CADPS: variants seen among roughly 807,000 people sequenced by gnomAD.
CADPS encodes the protein calcium-dependent secretion activator 1.
A neutral mutation model predicts 167.3 loss-of-function variants in CADPS; 57 were observed. The observed-to-expected ratio is 0.34, with a 90% confidence interval of 0.28 to 0.42. CADPS has a LOEUF of 0.42. Among genes scored for constraint, CADPS ranks in the 20% least tolerant of loss-of-function variants. The pLI, the probability that CADPS is intolerant of heterozygous loss-of-function variation, is 1.00. For missense variants in CADPS, 1,414 were observed against 1,738.1 expected (o/e 0.81, Z 3.32); for synonymous variants, 676 against 635.3 (o/e 1.06, Z -0.96).
At chr3:62,406,273 A>G (rs1213215086) in intron 28 of CADPS, among the ~76,000 whole-genome samples, 2 of 152,190 alleles carry the variant, frequency 1.3e-5, no homozygotes, top group Non-Finnish European at 2.9e-5. Flanking sequence ...CCCTCCCAGA[A>G]AGCCAGTCAT....
intron 1 of CADPS, among the ~76,000 whole-genome samples, chr3:62,788,978 G>T (rs1479316820): frequency 3.3e-5 from 5 of 152,156 alleles, no homozygotes; most frequent in Middle Eastern, 3.2e-3. Flanking sequence ...TTCAATGCTG[G>T]TGATTTCGAA....
intron 1 of CADPS, among the ~76,000 whole-genome samples, chr3:62,794,126 G>A (rs1213767796): frequency 2.0e-5 from 3 of 152,188 alleles, no homozygotes; most frequent in Non-Finnish European, 4.4e-5. Flanking sequence ...GGAATGATGA[G>A]TAACAGCTTG....
At chr3:62,864,272 T>C (rs999583628) in intron 1 of CADPS, among the ~76,000 whole-genome samples, 3 of 152,328 alleles carry the variant, frequency 2.0e-5, no homozygotes, top group African/African-American at 4.8e-5. Context: ...AAGAGGCCTA[T>C]GCTGGAGACA....
At chr3:62,494,245 G>A (rs527258618) in intron 18 of CADPS, among the ~76,000 whole-genome samples, 121 of 152,242 alleles carry the variant, frequency 7.9e-4, no homozygotes, top group African/African-American at 2.9e-3. Context: ...GGGGTTTAGG[G>A]CTTACTCCAC....
At chr3:62,570,981 T>C in intron 8 of CADPS, 43 bp from the exon 9 acceptor site, 1 of 1,237,934 alleles carries the variant, frequency 8.1e-7, no homozygotes, top group Non-Finnish European at 1.2e-6. Flanking sequence ...AATGCTTGAG[T>C]GAGTGAATTG....
intron 1 of CADPS, among the ~76,000 whole-genome samples, chr3:62,780,989 G>A (rs114421712): frequency 0.021 from 3,245 of 152,104 alleles, 55 homozygotes; most frequent in South Asian, 0.049. Flanking sequence ...CTTAGGACTC[G>A]TACATTTATT....
At chr3:62,485,980 C>T (rs947433720) in intron 21 of CADPS, among the ~76,000 whole-genome samples, 3 of 152,114 alleles carry the variant, frequency 2.0e-5, no homozygotes, top group East Asian at 1.9e-4. Flanking sequence ...AGATCTGACA[C>T]CAAGTACATT....
intron 1 of CADPS, among the ~76,000 whole-genome samples, chr3:62,789,792 A>G (rs2092775538): frequency 6.6e-6 from 1 of 152,208 alleles, no homozygotes; most frequent in African/African-American, 2.4e-5. Context: ...AATAACTCCA[A>G]AGAAAGTAAT....
At chr3:62,564,605 AT>A (rs1261526484) in intron 9 of CADPS, among the ~76,000 whole-genome samples, 1 of 103,754 alleles carries the variant, frequency 9.6e-6, no homozygotes, top group African/African-American at 3.4e-5. Context: ...TTAACCAGAA[AT>A]CTTTTTTTTT....
Position 62,684,205 on chromosome 3 carries a change from AGTAT to A in CADPS, c.889-21815_889-21812del, listed in dbSNP as rs143937795. 3.3e-3 allele frequency among the ~76,000 whole-genome samples: 507 copies of A among 152,202 alleles called. 4 individuals carry two copies. The highest frequency in any genetic ancestry group is 0.012 in the African/African-American group (483 of 41,524). On this transcript the variant is annotated intron_variant, in intron 3 of 29. Transcript: ENST00000383710. ...ATTAATTCATCCAATTATTTATTAC[AGTAT>A]GGACTTAGGAAAGTTTATTTTATAT... is the stretch of plus-strand genomic sequence containing the variant.
At chr3:62,556,070 A>C (rs1322383978) in intron 10 of CADPS, among the ~76,000 whole-genome samples, 2 of 152,178 alleles carry the variant, frequency 1.3e-5, no homozygotes, top group Non-Finnish European at 2.9e-5. Flanking sequence ...AGTCCTAAGG[A>C]GGACTGAATC....
chr3:62,780,968 G>A (rs900058903), intron 1 of CADPS, among the ~76,000 whole-genome samples: 11 of 152,072 alleles, frequency 7.2e-5, no homozygotes, highest in Admixed American at 2.0e-4. Context: ...AATGTTAGTC[G>A]TTATCTATAT....
intron 3 of CADPS, among the ~76,000 whole-genome samples, chr3:62,705,737 G>A (rs1318079133): frequency 6.6e-6 from 1 of 152,132 alleles, no homozygotes; most frequent in Non-Finnish European, 1.5e-5. Context: ...TCAGCTTGCA[G>A]ATGGCCTATT....
intron 3 of CADPS, among the ~76,000 whole-genome samples, chr3:62,680,541 C>T (rs1438440366): frequency 9.2e-5 from 14 of 152,078 alleles, no homozygotes; most frequent in Middle Eastern, 3.4e-3. Flanking sequence ...GCTCTCCATA[C>T]GTTTGTGTCT....
At chr3:62,729,543 C>T (rs1237306554) in intron 3 of CADPS, among the ~76,000 whole-genome samples, 1 of 151,884 alleles carries the variant, frequency 6.6e-6, no homozygotes, top group Non-Finnish European at 1.5e-5. Context: ...AGGTCTGCTA[C>T]TCACTAGAGT....
At chr3:62,845,765 T>C (rs2077319894) in intron 1 of CADPS, among the ~76,000 whole-genome samples, 1 of 152,220 alleles carries the variant, frequency 6.6e-6, no homozygotes, top group Non-Finnish European at 1.5e-5. Context: ...GGTATTTTAT[T>C]TTGAACAATT....
chr3:62,863,945 T>C (rs1006774509), intron 1 of CADPS, among the ~76,000 whole-genome samples: 2 of 152,172 alleles, frequency 1.3e-5, no homozygotes, highest in Non-Finnish European at 2.9e-5. Flanking sequence ...GTGAGGACAT[T>C]GAAAGGAGAT....
At chr3:62,853,623 T>TAAA (rs71126559) in intron 1 of CADPS, among the ~76,000 whole-genome samples, 66 of 118,266 alleles carry the variant, frequency 5.6e-4, no homozygotes, top group South Asian at 1.4e-3. Context: ...AAAACTCCAC[T>TAAA]AAAAAAAAAA....
At chr3:62,516,460 G>C in intron 15 of CADPS, 120 bp downstream of exon 15, 1 of 829,966 alleles carries the variant, frequency 1.2e-6, no homozygotes, top group Non-Finnish European at 1.9e-6. Context: ...TCTGATATTT[G>C]ATGAATGGTA....
Sources: gnomAD v4.1 joint callset for allele counts (sites outside exome capture counted in the v4.1 genomes callset) on GRCh38, gnomAD v4.1.1 for gene constraint, MANE v1.5 for transcripts, NCBI Gene and HGNC (gene_info 2026-07-23, HGNC 2026-07-21) for gene names.